ADNP: variants seen among roughly 807,000 people sequenced by gnomAD.
ADNP encodes activity-dependent neuroprotector homeobox protein.
In ADNP, 4 loss-of-function variants were observed where a neutral mutation model predicts 84.9. The ratio of observed to expected loss-of-function variants is 0.05; its 90% confidence interval spans 0.02 to 0.11. ADNP has a LOEUF of 0.11. Among genes scored for constraint, ADNP ranks in the 10% least tolerant of loss-of-function variants. The pLI, the probability that ADNP is intolerant of heterozygous loss-of-function variation, is 1.00. For synonymous variants in ADNP, 554 were observed against 468.1 expected (o/e 1.18, Z -2.37); for missense variants, 1,132 against 1,326.0 (o/e 0.85, Z 2.27).
intron 5 of ADNP, among the ~76,000 whole-genome samples, chr20:50,901,617 C>G (rs1981993238): frequency 6.6e-6 from 1 of 152,056 alleles, no homozygotes; most frequent in African/African-American, 2.4e-5. Flanking sequence ...CCCAGGCCTC[C>G]CATAGAAGTT....
chr20:50,922,452 C>T (rs897457730), intron 2 of ADNP, among the ~76,000 whole-genome samples: 1 of 151,772 alleles, frequency 6.6e-6, no homozygotes, highest in Admixed American at 6.6e-5. Context: ...TTATGTTTAC[C>T]GGTTTATTAT....
intron 5 of ADNP, among the ~76,000 whole-genome samples, 188 bp downstream of exon 5, chr20:50,901,829 C>T (rs1360055820): frequency 6.6e-6 from 1 of 152,122 alleles, no homozygotes; most frequent in Non-Finnish European, 1.5e-5. Context: ...AAGTTTTAGT[C>T]CAATGACAAA....
intron 2 of ADNP, among the ~76,000 whole-genome samples, chr20:50,911,568 T>C (rs1310949190): frequency 6.6e-6 from 1 of 151,380 alleles, no homozygotes; most frequent in Non-Finnish European, 1.5e-5. Context: ...TGCAATGGCA[T>C]CACCCAACAG....
At position 50,931,399 on chromosome 20, in the gene ADNP, T is replaced by C. The variant is rs879516385; in HGVS notation, c.-838A>G. ...GACAATACAAGCGCCTCGGACCGAG[T>C]CCCCGAACCTGCCCTAGCCAAAATG... is the stretch of plus-strand genomic sequence containing the variant. On this transcript the variant is annotated 5_prime_UTR_variant, in exon 1 of 6. Transcript: ENST00000621696. 1 of 151,332 alleles carries C rather than the reference T, an allele frequency of 6.6e-6. No homozygotes were observed. Among genetic ancestry groups the C allele is most frequent in the African/African-American group, 2.4e-5 (1 of 40,832 alleles). 9.4% of individuals were successfully genotyped at this position (151,332 alleles called of 1,614,324 possible).
At chr20:50,919,559 G>A (rs1386826029) in intron 2 of ADNP, among the ~76,000 whole-genome samples, 1 of 152,060 alleles carries the variant, frequency 6.6e-6, no homozygotes, top group Non-Finnish European at 1.5e-5. Flanking sequence ...GCCTAGAAAA[G>A]GCTTACAGAT....
chr20:50,916,162 GTATT>G (rs1311135794), intron 2 of ADNP, among the ~76,000 whole-genome samples: 8 of 152,190 alleles, frequency 5.3e-5, no homozygotes, highest in East Asian at 3.9e-4. Flanking sequence ...GCGAAAGATG[GTATT>G]TATCTAAATA....
In ADNP at chr20:50,894,155, C is replaced by T; in HGVS notation, c.559G>A (p.Glu187Lys). ...GGTGCTGCCACATGCTGAAAATGTT[C>T]CCTGTAAATGTGCTTCCTAACTATT... ...YEIVRKHIYR[E>K]HFQHVAAPYI... Residue 187 changes from glutamate to lysine, a missense_variant, in exon 6 of 6, where the codon GAA becomes AAA. Coordinates refer to ENST00000621696, the MANE Select transcript of ADNP (RefSeq NM_001282531.3). 1 of 1,614,112 alleles carries T rather than the reference C, an allele frequency of 6.2e-7. No homozygotes were observed. Among genetic ancestry groups the T allele is most frequent in the Non-Finnish European group, 8.5e-7 (1 of 1,179,998 alleles).
At chr20:50,907,725 G>A (rs1982627854) in intron 2 of ADNP, among the ~76,000 whole-genome samples, 1 of 151,742 alleles carries the variant, frequency 6.6e-6, no homozygotes, top group African/African-American at 2.4e-5. Flanking sequence ...GACTACAGGT[G>A]CACACTACCT....
intron 2 of ADNP, among the ~76,000 whole-genome samples, chr20:50,912,835 A>ATT (rs1191039232): frequency 3.3e-5 from 5 of 151,566 alleles, no homozygotes; most frequent in Non-Finnish European, 7.4e-5. Context: ...TTAAAAAAAC[A>ATT]TTTCTACCCT....
rs1375333554 is a variant in ADNP, at chr20:50,931,296, C to T, written c.-735G>A. On this transcript the variant is annotated 5_prime_UTR_variant, in exon 1 of 6. Transcript: ENST00000621696. ...TCAGCTCATGGATCCCGGCGGGCGGCGGAGGGGAGACCGGGCCGGCGGAGG... is the reference window on the plus strand; with the variant it reads ...TCAGCTCATGGATCCCGGCGGGCGGTGGAGGGGAGACCGGGCCGGCGGAGG... 1 of 25,552 alleles carries T rather than the reference C, an allele frequency of 3.9e-5. No homozygotes were observed. Among genetic ancestry groups the T allele is most frequent in the Non-Finnish European group, 7.0e-5 (1 of 14,260 alleles). 1.6% of individuals were successfully genotyped at this position (25,552 alleles called of 1,614,324 possible).
rs200625964 is a variant in ADNP, at chr20:50,893,651, C to T, written c.1063G>A (p.Ala355Thr). The T allele has an allele frequency of 2.1e-4, 331 of 1,614,026 alleles. 1 individual carries two copies. The highest frequency in any genetic ancestry group is 2.5e-4 in the Non-Finnish European group (293 of 1,180,042). ...GATTGTTGAGGAATGGAAACTGGTG[C>T]GTTGCCACCTAGACCCAGTCTCATT... is the stretch of plus-strand genomic sequence containing the variant. ...QSMRLGLGGN[A>T]PVSIPQQSQS... Residue 355 changes from alanine (A) to threonine (T), a missense_variant, in exon 6 of 6, where the codon GCA (alanine) becomes ACA (threonine). Physicochemically the swap from Ala to Thr is moderately conservative, Grantham distance 58. Transcript: ENST00000621696. This position sits in a 1 kb window ranked among gnomAD's most constrained non-coding sequence, Gnocchi z 4.4.
Position 50,890,629 on chromosome 20 carries a change from A to G in ADNP, c.*776T>C, listed in dbSNP as rs1436506452. 2.0e-5 allele frequency: 3 copies of G among 152,766 alleles called. No individual in the cohort carries two copies. Among genetic ancestry groups the G allele is most frequent in the African/African-American group, 7.2e-5 (3 of 41,472 alleles). The allele number at this position is 152,766 out of a possible 1,614,324, so 9.5% of individuals were successfully genotyped here. A position where few individuals can be genotyped will look rare whatever the true frequency, so the allele number is the denominator to read the frequency against. ...GTGATTTTAGCTTAAAAGATTTCAG[A>G]AAACAGATCTGAAATACCAGTTTTT... On this transcript the variant is annotated 3_prime_UTR_variant, in exon 6 of 6. Coordinates refer to ENST00000621696, the MANE Select transcript of ADNP (RefSeq NM_001282531.3).
intron 5 of ADNP, among the ~76,000 whole-genome samples, chr20:50,894,849 G>A (rs1452964109): frequency 6.6e-6 from 1 of 152,158 alleles, no homozygotes; most frequent in Non-Finnish European, 1.5e-5. Flanking sequence ...AACGAGCCGA[G>A]ATCGGCCATT....
chr20:50,926,317 T>C (rs1984289251), intron 2 of ADNP, among the ~76,000 whole-genome samples: 1 of 152,244 alleles, frequency 6.6e-6, no homozygotes, highest in African/African-American at 2.4e-5. Flanking sequence ...ACTGACTTTA[T>C]GATGCTCTTT....
At chr20:50,914,077 A>C in intron 2 of ADNP, 1 of 739,362 alleles carries the variant, frequency 1.4e-6, no homozygotes, top group South Asian at 1.4e-5. Context: ...TTCCAAAAAC[A>C]GGCATGAGAT....
intron 2 of ADNP, among the ~76,000 whole-genome samples, chr20:50,920,174 C>T (rs1025868229): frequency 1.4e-5 from 2 of 142,400 alleles, no homozygotes; most frequent in South Asian, 2.2e-4. Context: ...CTACTCAGGA[C>T]GCTGAGGCAG....
In ADNP at chr20:50,919,302, T is replaced by C. The variant is rs1043526276; in HGVS notation, c.-90+9349A>G. On this transcript the variant is annotated intron_variant, in intron 2 of 5. Coordinates refer to ENST00000621696, the MANE Select transcript of ADNP (RefSeq NM_001282531.3). Reference sequence around the variant, plus strand: ...ACATATATTTAAGTGTATATATATATATATATATATATATGTAAAAAGCCA... The same window carrying C: ...ACATATATTTAAGTGTATATATATACATATATATATATATGTAAAAAGCCA... 1.0e-3 allele frequency among the ~76,000 whole-genome samples: 137 copies of C among 135,904 alleles called. 2 individuals are homozygous for C. Among genetic ancestry groups the C allele is most frequent in the Admixed American group, 7.2e-4 (9 of 12,460 alleles). The allele number at this position is 135,904 out of a possible 152,430, so 89.2% of individuals were successfully genotyped here.
intron 2 of ADNP, among the ~76,000 whole-genome samples, chr20:50,910,785 G>A (rs527377467): frequency 2.0e-5 from 3 of 152,234 alleles, no homozygotes; most frequent in African/African-American, 7.2e-5. Context: ...CTCGCAAGTA[G>A]ATGAGACTAG....
At chr20:50,913,968 T>A (rs1481242257) in intron 2 of ADNP, 7 of 719,678 alleles carry the variant, frequency 9.7e-6, no homozygotes, top group South Asian at 8.7e-5. Flanking sequence ...AGACTGCTGT[T>A]TGTGCTGGCC....
Sources: gnomAD v4.1 joint callset for allele counts (sites outside exome capture counted in the v4.1 genomes callset) on GRCh38, gnomAD v4.1.1 for gene constraint, Gnocchi (gnomAD v3.1) non-coding constraint, MANE v1.5 for transcripts, NCBI Gene and HGNC (gene_info 2026-07-23, HGNC 2026-07-21) for gene names.